Variants in IARS1 observed in about 807,000 individuals in gnomAD.
IARS1 encodes isoleucine--tRNA ligase, cytoplasmic.
A neutral mutation model predicts 168.2 loss-of-function variants in IARS1; 124 were observed. The ratio of observed to expected loss-of-function variants is 0.74; its 90% CI spans 0.64 to 0.86. The LOEUF (loss-of-function observed/expected upper bound fraction) is 0.86, where lower values mean the gene tolerates loss of function less well. Among genes scored for constraint, IARS1 ranks in the 40% least tolerant of loss-of-function variants. The pLI, the probability that IARS1 is intolerant of heterozygous loss-of-function variation, is 0.00. For synonymous variants in IARS1, 532 were observed against 529.4 expected (o/e 1.00, Z -0.07); for missense variants, 1,452 against 1,515.8 (o/e 0.96, Z 0.70).
chr9:92,241,108 G>A (rs1200293324), intron 29 of IARS1, 147 bp from the exon 30 acceptor site: 3 of 521,492 alleles, frequency 5.8e-6, no homozygotes, highest in Non-Finnish European at 1.0e-5. Context: ...AGTATCAAAA[G>A]CTACAATTTA....
Position 92,228,984 on chromosome 9 carries a change from T to C in IARS1, c.3409+17A>G. ...TCTTGAGTCAAAGGACGTAGGCTCCTCTCACTTTCCACATACCTGTTTCAT... is the reference window on the plus strand; with the variant it reads ...TCTTGAGTCAAAGGACGTAGGCTCCCCTCACTTTCCACATACCTGTTTCAT... On this transcript the variant is annotated intron_variant, in intron 31 of 33. Coordinates refer to ENST00000443024, the MANE Select transcript of IARS1 (RefSeq NM_002161.6). The C allele has an allele frequency of 6.2e-7, 1 of 1,613,740 alleles. No individual in the cohort carries two copies. The highest frequency in any genetic ancestry group is 1.1e-5 in the South Asian group (1 of 90,996).
Position 92,264,392 on chromosome 9 carries a change from GA to G in IARS1, c.1700+536del, listed in dbSNP as rs201333205. Among the ~76,000 whole-genome samples the G allele has an allele frequency of 9.9e-3, 1,487 of 149,774 alleles. 13 individuals carry two copies. The highest frequency in any genetic ancestry group is 0.017 in the Non-Finnish European group (1,127 of 67,530). ...GGCCAGCAAAGCCAATCCATGGAAA[GA>G]AAGTAATTCACCTTCTTCCAATTAA... On this transcript the variant is annotated intron_variant, in intron 16 of 33. Transcript: ENST00000443024.
At chr9:92,239,257 T>C (rs557066) in intron 30 of IARS1, among the ~76,000 whole-genome samples, 14,979 of 152,250 alleles carry the variant, frequency 0.098, 976 homozygotes, top group South Asian at 0.21. Context: ...TCTTTTAGTT[T>C]TCTTTCACTT....
chr9:92,253,478 GC>G, intron 20 of IARS1, 25 bp from the exon 21 acceptor site: 1 of 1,516,110 alleles, frequency 6.6e-7, no homozygotes, highest in Non-Finnish European at 9.2e-7. Flanking sequence ...AGTCAATCAG[GC>G]AGCAAGTGGG....
chr9:92,281,162 TCTCA>T (rs961693576), intron 6 of IARS1, among the ~76,000 whole-genome samples: 2 of 149,222 alleles, frequency 1.3e-5, no homozygotes, highest in Non-Finnish European at 3.0e-5. Context: ...TTAGATGGAG[TCTCA>T]CTGTGTCACT....
At chr9:92,215,648 G>A (rs1003265131) in intron 33 of IARS1, among the ~76,000 whole-genome samples, 4 of 152,034 alleles carry the variant, frequency 2.6e-5, no homozygotes, top group African/African-American at 7.2e-5. Flanking sequence ...GAGCCGATGC[G>A]ATCAACTGGA....
chr9:92,256,804 G>A lies in IARS1; in HGVS notation c.2017-4C>T. The A allele has an allele frequency of 6.2e-7, 1 of 1,607,084 alleles. No homozygotes were observed. The highest frequency in any genetic ancestry group is 8.5e-7 in the Non-Finnish European group (1 of 1,175,670). On this transcript the variant is annotated splice_polypyrimidine_tract_variant and splice_region_variant and intron_variant, in intron 19 of 33. Coordinates refer to ENST00000443024, the MANE Select transcript of IARS1 (RefSeq NM_002161.6). ...AGAGAAATTCTATTTCTTCCTCCTA[G>A]GAAGGAACAATTAATGAAACACTGG...
chr9:92,280,644 T>C, intron 7 of IARS1, 102 bp downstream of exon 7: 2 of 650,358 alleles, frequency 3.1e-6, no homozygotes, highest in African/African-American at 1.9e-5. Context: ...TGTTTTCAAA[T>C]AATTCTATTC....
At chr9:92,281,792 T>C (rs754130449) in intron 6 of IARS1, among the ~76,000 whole-genome samples, 13 of 152,104 alleles carry the variant, frequency 8.5e-5, no homozygotes, top group Non-Finnish European at 1.2e-4. Flanking sequence ...ACGAGAGCCA[T>C]TAGTCACATG....
chr9:92,259,727 CA>C (rs1831242518), intron 18 of IARS1, among the ~76,000 whole-genome samples: 1 of 152,150 alleles, frequency 6.6e-6, no homozygotes, highest in Admixed American at 6.5e-5. Flanking sequence ...CAAATTTCTC[CA>C]AAAGCTTTTC....
At chr9:92,228,639 A>G (rs1160541880) in intron 31 of IARS1, among the ~76,000 whole-genome samples, 1 of 152,212 alleles carries the variant, frequency 6.6e-6, no homozygotes, top group African/African-American at 2.4e-5. Flanking sequence ...ACTTGAGCCC[A>G]GGAGGCCGAG....
At chr9:92,292,871 G>A (rs999121958) in intron 1 of IARS1, among the ~76,000 whole-genome samples, 4 of 152,108 alleles carry the variant, frequency 2.6e-5, no homozygotes, top group Non-Finnish European at 5.9e-5. Flanking sequence ...ATTCCTTCCA[G>A]AATTGCTTCC....
intron 30 of IARS1, among the ~76,000 whole-genome samples, chr9:92,235,315 A>G (rs1203282778): frequency 6.6e-6 from 1 of 152,166 alleles, no homozygotes; most frequent in East Asian, 1.9e-4. Context: ...GAAAGAATTC[A>G]GGCTTTCCCC....
chr9:92,288,025 G>A, intron 3 of IARS1, 101 bp downstream of exon 3: 1 of 1,505,286 alleles, frequency 6.6e-7, no homozygotes, highest in Non-Finnish European at 9.1e-7. Flanking sequence ...GAACTAGAAG[G>A]TCTGACAGTC....
chr9:92,289,994 T>C (rs1325117859), intron 1 of IARS1, among the ~76,000 whole-genome samples: 1 of 152,212 alleles, frequency 6.6e-6, no homozygotes, highest in Non-Finnish European at 1.5e-5. Context: ...TTTTTGGTTA[T>C]TACGAATAAC....
At chr9:92,280,558 T>C (rs1220274232) in intron 7 of IARS1, among the ~76,000 whole-genome samples, 188 bp downstream of exon 7, 1 of 152,268 alleles carries the variant, frequency 6.6e-6, no homozygotes, top group African/African-American at 2.4e-5. Flanking sequence ...ATCTCTGTAC[T>C]ATTTTAATTG....
chr9:92,255,536 G>A (rs1830597772), intron 20 of IARS1, among the ~76,000 whole-genome samples: 1 of 152,124 alleles, frequency 6.6e-6, no homozygotes, highest in Non-Finnish European at 1.5e-5. Flanking sequence ...CGAACTCACT[G>A]TTGTTAGTTA....
chr9:92,215,168 A>G lies in IARS1; in HGVS notation c.3707-4279T>C, dbSNP rs548626118. 2.6e-4 allele frequency among the ~76,000 whole-genome samples: 40 copies of G among 152,272 alleles called. No individual in the cohort carries two copies. In the East Asian group the frequency reaches 7.5e-3, roughly 29 times the overall value. ...CACCCCCCAGCAGGGGCACACTGAT[A>G]CCTCACACGGCAGGGTATTCCAACA... On this transcript the variant is annotated intron_variant, in intron 33 of 33. Coordinates refer to ENST00000443024, the MANE Select transcript of IARS1 (RefSeq NM_002161.6).
chr9:92,214,979 AAAC>A (rs1838403039), intron 33 of IARS1, among the ~76,000 whole-genome samples: 1 of 152,214 alleles, frequency 6.6e-6, no homozygotes, highest in Non-Finnish European at 1.5e-5. Context: ...GGGCACAGAC[AAAC>A]AAAAAGACAG....
Sources: allele counts gnomAD v4.1 joint callset (sites outside exome capture counted in the v4.1 genomes callset), GRCh38; gene constraint gnomAD v4.1.1; transcripts MANE v1.5; gene names NCBI Gene and HGNC (gene_info 2026-07-23, HGNC 2026-07-21).